IL4I1: variants seen among roughly 807,000 people sequenced by gnomAD.
The protein encoded by IL4I1 is L-amino-acid oxidase.
In IL4I1, 24 loss-of-function variants were observed where a neutral mutation model predicts 29.7. That is an observed-to-expected ratio of 0.81 (90% CI 0.59 to 1.14). The LOEUF (loss-of-function observed/expected upper bound fraction) is 1.14. Ranked by LOEUF, IL4I1 falls within the 50% of genes most tolerant of loss-of-function variation. IL4I1 has a pLI of 0.00. For synonymous variants in IL4I1, 371 were observed against 352.5 expected (o/e 1.05, Z -0.59); for missense variants, 686 against 785.6 (o/e 0.87, Z 1.52).
At chr19:49,911,795 T>C (rs921691279) in intron 2 of IL4I1, among the ~76,000 whole-genome samples, 15 of 152,192 alleles carry the variant, frequency 9.9e-5, no homozygotes, top group Non-Finnish European at 8.8e-5. Flanking sequence ...GCTGTGGCCC[T>C]GGCATTTTCA....
chr19:49,902,116 C>T (rs1224547519), intron 3 of IL4I1, among the ~76,000 whole-genome samples: 2 of 151,998 alleles, frequency 1.3e-5, no homozygotes, highest in East Asian at 2.0e-4. Flanking sequence ...TCTCCTGCCT[C>T]AGCCTCCCGA....
At chr19:49,891,167 C>T in intron 6 of IL4I1, 60 bp from the exon 7 acceptor site, 2 of 1,583,028 alleles carry the variant, frequency 1.3e-6, no homozygotes, top group South Asian at 1.1e-5. Context: ...TGAGAGAGCC[C>T]CTCCGCAGCT....
At position 49,889,872 on chromosome 19, in the gene IL4I1, G is replaced by A. The variant is rs759051515; in HGVS notation, c.1502C>T (p.Ala501Val). ...ETAVKSALRA[A>V]IKINSRKGPA... ...CCCCTTCCGGCTGTTGATCTTGATG[G>A]CGGCGCGCAGCGCCGACTTGACCGC... is the stretch of plus-strand genomic sequence containing the variant. The change falls in exon 8 of 8, where the codon GCC becomes GTC. Residue 501 changes from alanine to valine, a missense_variant. By Grantham distance (64) the Ala-to-Val change is moderately conservative. Coordinates refer to ENST00000391826, the MANE Select transcript of IL4I1 (RefSeq NM_152899.2). The A allele has an allele frequency of 4.4e-6, 7 of 1,597,830 alleles. No homozygotes were observed. The South Asian group carries it at 7.8e-5, about 18-fold the overall frequency.
rs747794264 is a variant in IL4I1 at position 49,894,324 on chromosome 19, G to T, written c.511C>A (p.Arg171Ser). ...KVPEKLGYALRPQEKGHSPED... is the reference protein window; with the variant it reads ...KVPEKLGYALSPQEKGHSPED... Reference sequence around the variant, plus strand: ...GGCGAGTGGCCCTTTTCCTGGGGACGCAAGGCGTAGCCCAGCTTCTCGGGC... The same window carrying T: ...GGCGAGTGGCCCTTTTCCTGGGGACTCAAGGCGTAGCCCAGCTTCTCGGGC... The change falls in exon 5 of 8, where the codon CGT (arginine) becomes AGT (serine). Residue 171 changes from arginine to serine, a missense_variant. Arg to Ser is a moderately radical substitution (Grantham distance 110). Coordinates refer to ENST00000391826, the MANE Select transcript of IL4I1 (RefSeq NM_152899.2). 2 of 1,614,210 alleles carry T rather than the reference G, an allele frequency of 1.2e-6. No individual in the cohort carries two copies. The highest frequency in any genetic ancestry group is 2.2e-5 in the South Asian group (2 of 91,076).
Position 49,895,154 on chromosome 19 carries a change from C to T in IL4I1, c.279G>A (p.Arg93=). The T allele has an allele frequency of 6.2e-7, 1 of 1,613,878 alleles. No individual in the cohort carries two copies. The highest frequency in any genetic ancestry group is 1.3e-5 in the African/African-American group (1 of 75,006). Residue 93 remains arginine (R), a synonymous_variant, in exon 4 of 8, where the codon AGG becomes AGA. Transcript: ENST00000391826. ...GGTAGGTGAAGATGCGGCCCCCGAT[C>T]CTGTTATCTGCCTCCAGGATGGTGA... ...HKVTILEADN[R]IGGRIFTYRD...
chr19:49,908,198 T>C (rs1180647216), intron 2 of IL4I1: 3 of 1,606,268 alleles, frequency 1.9e-6, no homozygotes, highest in Non-Finnish European at 2.5e-6. Context: ...ATTCCCCTCA[T>C]GAACTCCCTA....
rs199498986 is a variant in IL4I1 at position 49,908,980 on chromosome 19, G to A, written c.-227-4659C>T. The A allele has an allele frequency of 8.0e-5, 128 of 1,608,694 alleles. No homozygotes were observed. In the East Asian group the frequency reaches 2.1e-3, roughly 27 times the overall value. On this transcript the variant is annotated intron_variant, in intron 2 of 9. Transcript: ENST00000341114. ...TGCTGCTGGTGGTGGTGGCGGTGGC[G>A]GTGGCAGCGGTGGATGTTGTTGTGG...
chr19:49,915,189 A>T (rs950222569), intron 2 of IL4I1, among the ~76,000 whole-genome samples: 1 of 152,122 alleles, frequency 6.6e-6, no homozygotes, highest in Non-Finnish European at 1.5e-5. Flanking sequence ...GCCCCCAAAC[A>T]TGCCCACACT....
intron 2 of IL4I1, among the ~76,000 whole-genome samples, chr19:49,914,563 C>T (rs753426164): frequency 1.3e-4 from 20 of 151,958 alleles, no homozygotes; most frequent in African/African-American, 3.4e-4. Context: ...CCTGGGAACC[C>T]GGAGGAAGAC....
chr19:49,926,310 ACCTGAAGTCAGGAG>A (rs1313841256), intron 2 of IL4I1, among the ~76,000 whole-genome samples: 1 of 151,334 alleles, frequency 6.6e-6, no homozygotes, highest in African/African-American at 2.4e-5. Context: ...TGGGTGGATC[ACCTGAAGTCAGGAG>A]TTCAAGACCA....
Position 49,924,038 on chromosome 19 carries a change from G to A in IL4I1, c.-228+3656C>T, listed in dbSNP as rs187012429. Among the ~76,000 whole-genome samples, 81 of 152,350 alleles carry A rather than the reference G, an allele frequency of 5.3e-4. 1 individual carries two copies. Among genetic ancestry groups the A allele is most frequent in the Admixed American group, 3.9e-4 (6 of 15,306 alleles). ...TGAGGAGTTGCGGCAATAGCAGGGC[G>A]ATGGCACGGTGCAGGTGCAGGCAGG... On this transcript the variant is annotated intron_variant, in intron 2 of 9. Transcript: ENST00000341114.
intron 2 of IL4I1, among the ~76,000 whole-genome samples, chr19:49,922,838 C>A (rs2075797455): frequency 6.6e-6 from 1 of 152,160 alleles, no homozygotes. Context: ...CCACCCCTCC[C>A]TCTGGGCCTG....
chr19:49,922,038 C>T (rs753248031), intron 2 of IL4I1, among the ~76,000 whole-genome samples: 7 of 152,206 alleles, frequency 4.6e-5, no homozygotes, highest in African/African-American at 1.2e-4. Context: ...TCCTGAATCA[C>T]GCCTCAACAC....
intron 7 of IL4I1, 108 bp from the exon 8 acceptor site, chr19:49,890,708 C>T: frequency 9.6e-7 from 1 of 1,045,878 alleles, no homozygotes; most frequent in Non-Finnish European, 1.3e-6. Flanking sequence ...CACCGGCCCG[C>T]TCCCCCGTCA....
chr19:49,910,556 G>A (rs995295396), intron 2 of IL4I1, among the ~76,000 whole-genome samples: 1 of 152,112 alleles, frequency 6.6e-6, no homozygotes, highest in African/African-American at 2.4e-5. Context: ...CCAGGCAATC[G>A]GAGCCTCCCC....
chr19:49,890,282 C>T lies in IL4I1; in HGVS notation c.1092G>A (p.Trp364Ter). 6.3e-7 allele frequency: 1 copy of T among 1,596,594 alleles called. No homozygotes were observed. Among genetic ancestry groups the T allele is most frequent in the Non-Finnish European group, 8.5e-7 (1 of 1,172,478 alleles). ...GGCCGCCTTCAATGTGCTCCTCGCGCCAGAAGGGCCTGCGGAAGCTTAGGA... is the reference window on the plus strand; with the variant it reads ...GGCCGCCTTCAATGTGCTCCTCGCGTCAGAAGGGCCTGCGGAAGCTTAGGA... ...KVFLSFRRPF[W>*]REEHIEGGHS... Residue 364 changes from tryptophan (W) to a stop codon, truncating the protein, a stop_gained, in exon 8 of 8, where the codon TGG becomes TGA. Transcript: ENST00000391826. LOFTEE classifies it low-confidence loss of function (END_TRUNC).
upstream of IL4I1, chr19:49,896,907 C>G (rs2075218892): frequency 1.0e-6 from 1 of 985,338 alleles, no homozygotes; most frequent in South Asian, 4.7e-5. Context: ...GTGGCCCTTT[C>G]TCTCCCCTTA....
chr19:49,914,007 T>G (rs978625073), intron 2 of IL4I1, among the ~76,000 whole-genome samples: 1 of 152,098 alleles, frequency 6.6e-6, no homozygotes, highest in Non-Finnish European at 1.5e-5. Context: ...AGCATCACAA[T>G]TTGAGCAAAG....
At position 49,894,487 on chromosome 19, in the gene IL4I1, T is replaced by G; in HGVS notation, c.366-18A>C. On this transcript the variant is annotated intron_variant, in intron 4 of 7. Transcript: ENST00000391826. ...GGAGGATCCTGATCAGGGGAGTGGG[T>G]GAGTGAGGGCCGGGCTCCAGTGGGG... 1.3e-6 allele frequency: 2 copies of G among 1,580,528 alleles called. No individual in the cohort carries two copies. The highest frequency in any genetic ancestry group is 1.5e-5 in the African/African-American group (1 of 68,014).
Sources: allele counts gnomAD v4.1 joint callset (sites outside exome capture counted in the v4.1 genomes callset), GRCh38; gene constraint gnomAD v4.1.1; transcripts MANE v1.5; gene names NCBI Gene and HGNC (gene_info 2026-07-23, HGNC 2026-07-21).